The following BRK1 variants were observed in gnomAD, a reference collection of about 807,000 sequenced individuals.
BRK1 encodes the protein protein BRICK1.
In BRK1, 6 loss-of-function variants were observed where a neutral mutation model predicts 9.9. The observed-to-expected ratio is 0.60, with a 90% CI of 0.33 to 1.19. BRK1 has a LOEUF of 1.19. Ranked by LOEUF, BRK1 falls within the 50% of genes most tolerant of loss-of-function variation. The pLI is 0.04. For synonymous variants in BRK1, 44 were observed against 31.9 expected, an observed-to-expected ratio of 1.38 and a Z score of -1.28; for missense variants, 62 against 97.5, an observed-to-expected ratio of 0.64 and a Z score of 1.53.
chr3:10,126,539 A>G lies in BRK1; in HGVS notation c.*244A>G, dbSNP rs776098641. On this transcript the variant is annotated 3_prime_UTR_variant, in exon 3 of 3. Coordinates refer to ENST00000530758, the MANE Select transcript of BRK1 (RefSeq NM_018462.5). ...TTTTACCTTTTCAGTAACATTTTATACATCTACTTGTCAATGTATTTGAGA... is the reference window on the plus strand; with the variant it reads ...TTTTACCTTTTCAGTAACATTTTATGCATCTACTTGTCAATGTATTTGAGA... 6.6e-6 allele frequency: 3 copies of G among 454,388 alleles called. No individual in the cohort carries two copies. The highest frequency in any genetic ancestry group is 1.2e-5 in the Non-Finnish European group (3 of 255,288). The allele number at this position is 454,388 out of a possible 1,614,324, so 28.1% of individuals were successfully genotyped here. A position where few individuals can be genotyped will look rare whatever the true frequency, so the allele number is the denominator to read the frequency against.
intron 2 of BRK1, among the ~76,000 whole-genome samples, chr3:10,126,055 C>T (rs1335856387): frequency 6.6e-6 from 1 of 152,188 alleles, no homozygotes; most frequent in Non-Finnish European, 1.5e-5. Context: ...CACACCACTG[C>T]ACTCCAGCCT....
chr3:10,115,994 C>CAGGCTCCCGTAGGG, intron 1 of BRK1, among the ~76,000 whole-genome samples, 175 bp downstream of exon 1: 1 of 152,156 alleles, frequency 6.6e-6, no homozygotes, highest in Admixed American at 6.6e-5. Flanking sequence ...CTCCCGTAGA[C>CAGGCTCCCGTAGGG]AGTCTCTGTA....
intron 1 of BRK1, among the ~76,000 whole-genome samples, chr3:10,117,378 G>A (rs1309047759): frequency 6.7e-6 from 1 of 150,082 alleles, no homozygotes; most frequent in Non-Finnish European, 1.5e-5. Context: ...CTTTATTTGG[G>A]CTTTTCAACA....
intron 1 of BRK1, among the ~76,000 whole-genome samples, chr3:10,116,218 A>G (rs1240074255): frequency 6.6e-6 from 1 of 152,134 alleles, no homozygotes; most frequent in East Asian, 1.9e-4. Flanking sequence ...CTCTGTTTCA[A>G]GACTGTTGAC....
At chr3:10,123,733 T>C (rs1376022121) in intron 1 of BRK1, among the ~76,000 whole-genome samples, 2 of 11,814 alleles carry the variant, frequency 1.7e-4, no homozygotes, top group Non-Finnish European at 5.3e-4. Context: ...GTGCCTGGCC[T>C]TTTTTTTTTT....
At position 10,126,599 on chromosome 3, in the gene BRK1, G is replaced by C. The variant is rs1013674120; in HGVS notation, c.*304G>C. On this transcript the variant is annotated 3_prime_UTR_variant, in exon 3 of 3. Coordinates refer to ENST00000530758, the MANE Select transcript of BRK1 (RefSeq NM_018462.5). ...CCAAAAGCCTGGGACTCTTTGTGAA[G>C]GTCCTCCTCACCTCTATCTTTCTTT... is the stretch of plus-strand genomic sequence containing the variant. 1 of 332,042 alleles carries C rather than the reference G, an allele frequency of 3.0e-6. No homozygotes were observed. Among genetic ancestry groups the C allele is most frequent in the African/African-American group, 2.2e-5 (1 of 46,464 alleles). 20.6% of individuals were successfully genotyped at this position (332,042 alleles called of 1,614,324 possible). A position where few individuals can be genotyped will look rare whatever the true frequency, so the allele number is the denominator to read the frequency against.
chr3:10,124,257 A>G (rs1223437901), intron 1 of BRK1, among the ~76,000 whole-genome samples: 1 of 151,272 alleles, frequency 6.6e-6, no homozygotes, highest in African/African-American at 2.4e-5. Context: ...GATTGAGACA[A>G]TCCTGGCCAA....
chr3:10,124,965 A>T (rs980805410), intron 1 of BRK1, among the ~76,000 whole-genome samples: 3 of 152,052 alleles, frequency 2.0e-5, no homozygotes, highest in Non-Finnish European at 4.4e-5. Context: ...TCTCACCTAC[A>T]TTTGTGGACT....
chr3:10,125,337 T>C (rs1695822643), intron 1 of BRK1, among the ~76,000 whole-genome samples: 1 of 152,090 alleles, frequency 6.6e-6, no homozygotes. Context: ...ACTCTTGACC[T>C]CAGGTGATCC....
At chr3:10,125,012 A>G (rs1484012961) in intron 1 of BRK1, among the ~76,000 whole-genome samples, 1 of 152,106 alleles carries the variant, frequency 6.6e-6, no homozygotes, top group South Asian at 2.1e-4. Flanking sequence ...ATCCAAGACA[A>G]ACTCTAGGAT....
intron 1 of BRK1, among the ~76,000 whole-genome samples, chr3:10,123,462 G>A (rs1575907868): frequency 6.9e-6 from 1 of 144,918 alleles, no homozygotes; most frequent in South Asian, 2.3e-4. Flanking sequence ...TTGAGACGGA[G>A]TCTCACTCTG....
chr3:10,125,345 T>G (rs530133501), intron 1 of BRK1, among the ~76,000 whole-genome samples: 5 of 152,214 alleles, frequency 3.3e-5, no homozygotes, highest in Admixed American at 1.3e-4. Flanking sequence ...CCTCAGGTGA[T>G]CCACCCGCCT....
intron 1 of BRK1, among the ~76,000 whole-genome samples, chr3:10,119,558 G>A (rs1695730742): frequency 1.3e-5 from 2 of 152,198 alleles, no homozygotes; most frequent in Admixed American, 1.3e-4. Flanking sequence ...CATGGGCCAT[G>A]TATTTTGGAG....
In BRK1 at chr3:10,125,706, C is replaced by A; in HGVS notation, c.199C>A (p.Arg67=). 1.2e-6 allele frequency: 2 copies of A among 1,609,070 alleles called. No individual in the cohort carries two copies. The highest frequency in any genetic ancestry group is 1.1e-5 in the South Asian group (1 of 90,426). Reference sequence around the variant, plus strand: ...ACGGAGAATAGAGTACATTGAAGCTCGGGTGAGTTTGATGGGCAAGGGCAT... The same window carrying A: ...ACGGAGAATAGAGTACATTGAAGCTAGGGTGAGTTTGATGGGCAAGGGCAT... ...LERRIEYIEA[R]VTKGETLT The change falls in exon 2 of 3, where the codon CGG becomes AGG. Residue 67 remains arginine (R), a splice_region_variant and synonymous_variant. Coordinates refer to ENST00000530758, the MANE Select transcript of BRK1 (RefSeq NM_018462.5).
At chr3:10,123,583 C>T (rs1295153262) in intron 1 of BRK1, among the ~76,000 whole-genome samples, 2 of 125,180 alleles carry the variant, frequency 1.6e-5, no homozygotes, top group African/African-American at 3.2e-5. Flanking sequence ...TACAGGCGCC[C>T]GCCACCACAC....
chr3:10,126,319 A>T lies in BRK1; in HGVS notation c.*24A>T. 1 of 1,570,894 alleles carries T rather than the reference A, an allele frequency of 6.4e-7. No individual in the cohort carries two copies. Among genetic ancestry groups the T allele is most frequent in the Non-Finnish European group, 8.6e-7 (1 of 1,157,760 alleles). On this transcript the variant is annotated 3_prime_UTR_variant, in exon 3 of 3. Coordinates refer to ENST00000530758, the MANE Select transcript of BRK1 (RefSeq NM_018462.5). ...AGAACAGTGCCGTGCTGCTGCTGGG[A>T]AGTTGCTTTACACAACACAGGCCAC...
At chr3:10,126,182 T>C in intron 2 of BRK1, 87 bp from the exon 3 acceptor site, 2 of 892,838 alleles carry the variant, frequency 2.2e-6, no homozygotes, top group South Asian at 2.2e-5. Flanking sequence ...CTGCTATTTC[T>C]CACTGCCTAG....
chr3:10,124,416 C>T (rs774141137), intron 1 of BRK1, among the ~76,000 whole-genome samples: 3 of 151,710 alleles, frequency 2.0e-5, no homozygotes, highest in African/African-American at 2.4e-5. Flanking sequence ...GCCAAGATTG[C>T]GTCACTGCAC....
intron 1 of BRK1, among the ~76,000 whole-genome samples, chr3:10,116,380 G>A (rs1695684884): frequency 6.6e-6 from 1 of 151,906 alleles, no homozygotes; most frequent in Non-Finnish European, 1.5e-5. Flanking sequence ...GGGATGCCAG[G>A]ATCTTGTAGG....
Sources: gnomAD v4.1 joint callset for allele counts (sites outside exome capture counted in the v4.1 genomes callset) on GRCh38, gnomAD v4.1.1 for gene constraint, MANE v1.5 for transcripts, NCBI Gene and HGNC (gene_info 2026-07-23, HGNC 2026-07-21) for gene names.